ERBB4: variants seen among roughly 807,000 people sequenced by gnomAD.
The protein encoded by ERBB4 is erb-b2 receptor tyrosine kinase 4.
A neutral mutation model predicts 158.0 loss-of-function variants in ERBB4; 42 were observed. That is an observed-to-expected ratio of 0.27 (90% CI 0.21 to 0.34). ERBB4 has a LOEUF of 0.34. Among genes scored for constraint, ERBB4 ranks in the 10% least tolerant of loss-of-function variants. The pLI is 1.00. For missense variants in ERBB4, 1,333 were observed against 1,624.1 expected (o/e 0.82, Z 3.08); for synonymous variants, 583 against 558.7 (o/e 1.04, Z -0.61).
At chr2:212,425,181 G>A (rs1013325950) in intron 1 of ERBB4, among the ~76,000 whole-genome samples, 4 of 151,098 alleles carry the variant, frequency 2.6e-5, no homozygotes, top group Admixed American at 2.0e-4. Flanking sequence ...CTCTTTTGAA[G>A]TAAAAGTAAA....
chr2:211,750,799 T>C, intron 4 of ERBB4, 95 bp from the exon 5 acceptor site: 5 of 1,058,630 alleles, frequency 4.7e-6, no homozygotes, highest in Non-Finnish European at 4.4e-6. Flanking sequence ...CCTGCTCCTT[T>C]ATGAGGATTT....
At chr2:211,815,099 A>C (rs1575186195) in intron 3 of ERBB4, among the ~76,000 whole-genome samples, 1 of 152,310 alleles carries the variant, frequency 6.6e-6, no homozygotes, top group African/African-American at 2.4e-5. Flanking sequence ...GGACTTATAA[A>C]ATTTCTATAA....
At chr2:211,576,389 T>C (rs1350269792) in intron 19 of ERBB4, among the ~76,000 whole-genome samples, 1 of 152,154 alleles carries the variant, frequency 6.6e-6, no homozygotes, top group Non-Finnish European at 1.5e-5. Context: ...ACCAATACTT[T>C]AGAAATGGCA....
Position 211,947,443 on chromosome 2 carries a change from T to C in ERBB4, c.408A>G (p.Leu136=). The change falls in exon 3 of 28, where the codon TTA becomes TTG. Residue 136 remains leucine (L), a synonymous_variant. Transcript: ENST00000342788. ...TATATTCCTTACCTGTCAAGTTCTT[T>C]AATCCAAGTTCTTGAAGTCCAAAGT... The part of the protein sequence containing the change: ...DGNFGLQELG[L]KNLTEILNGG... 1 of 1,613,572 alleles carries C rather than the reference T, an allele frequency of 6.2e-7. No individual in the cohort carries two copies.
At chr2:212,445,257 G>A (rs942044613) in intron 1 of ERBB4, among the ~76,000 whole-genome samples, 1 of 152,038 alleles carries the variant, frequency 6.6e-6, no homozygotes, top group African/African-American at 2.4e-5. Flanking sequence ...CCAATATATG[G>A]TACTGTTTCT....
At chr2:212,498,548 C>T (rs1372432360) in intron 1 of ERBB4, among the ~76,000 whole-genome samples, 1 of 151,994 alleles carries the variant, frequency 6.6e-6, no homozygotes, top group Non-Finnish European at 1.5e-5. Flanking sequence ...TTATATATTC[C>T]ACCTAGGGAC....
chr2:211,836,039 A>G (rs982935266), intron 3 of ERBB4, among the ~76,000 whole-genome samples: 1 of 152,130 alleles, frequency 6.6e-6, no homozygotes, highest in Non-Finnish European at 1.5e-5. Flanking sequence ...AGAAATGCTA[A>G]GTATAAATAA....
At chr2:212,468,786 G>T (rs1347944330) in intron 1 of ERBB4, among the ~76,000 whole-genome samples, 32 of 152,142 alleles carry the variant, frequency 2.1e-4, no homozygotes. Flanking sequence ...AAAACTGTCA[G>T]TTCAAAGGAG....
intron 13 of ERBB4, among the ~76,000 whole-genome samples, chr2:211,674,682 A>G (rs2071983758): frequency 6.6e-6 from 1 of 152,204 alleles, no homozygotes; most frequent in Non-Finnish European, 1.5e-5. Flanking sequence ...GGAAACCTTC[A>G]GAATATAAAA....
intron 2 of ERBB4, among the ~76,000 whole-genome samples, chr2:211,997,269 T>C (rs1045508214): frequency 6.6e-6 from 1 of 152,168 alleles, no homozygotes; most frequent in African/African-American, 2.4e-5. Flanking sequence ...CGTGGATTCA[T>C]TCCATTTTAT....
intron 3 of ERBB4, among the ~76,000 whole-genome samples, chr2:211,818,994 T>A (rs918055726): frequency 6.6e-6 from 1 of 152,096 alleles, no homozygotes; most frequent in Non-Finnish European, 1.5e-5. Flanking sequence ...TTCTTGATTG[T>A]CTATCAAATT....
intron 3 of ERBB4, among the ~76,000 whole-genome samples, chr2:211,932,595 G>C (rs2080208025): frequency 6.6e-6 from 1 of 151,794 alleles, no homozygotes. Flanking sequence ...ATCATTCTAT[G>C]TTTATCTATA....
intron 19 of ERBB4, among the ~76,000 whole-genome samples, chr2:211,564,623 A>G (rs2067495843): frequency 6.6e-6 from 1 of 152,190 alleles, no homozygotes. Flanking sequence ...AGACATGCCA[A>G]ATCTTGATAC....
chr2:211,499,494 G>A (rs1001605744), intron 20 of ERBB4, among the ~76,000 whole-genome samples: 1 of 152,054 alleles, frequency 6.6e-6, no homozygotes, highest in Non-Finnish European at 1.5e-5. Flanking sequence ...CTGCACTCCA[G>A]CCTGGCAACA....
intron 3 of ERBB4, among the ~76,000 whole-genome samples, chr2:211,846,759 T>C (rs2077599001): frequency 6.6e-6 from 1 of 152,152 alleles, no homozygotes; most frequent in African/African-American, 2.4e-5. Flanking sequence ...TTTTCCCTAA[T>C]TCGGCATTTG....
intron 1 of ERBB4, among the ~76,000 whole-genome samples, chr2:212,147,859 A>G (rs2080734570): frequency 6.6e-6 from 1 of 152,058 alleles, no homozygotes; most frequent in South Asian, 2.1e-4. Context: ...CATATTTGCA[A>G]TTGTGGGGAG....
At chr2:211,399,373 G>A (rs2062986731) in intron 25 of ERBB4, among the ~76,000 whole-genome samples, 1 of 152,162 alleles carries the variant, frequency 6.6e-6, no homozygotes, top group Non-Finnish European at 1.5e-5. Flanking sequence ...ATTAAAAAAT[G>A]TCTTAAACCC....
In ERBB4 at chr2:211,380,912, T is replaced by C. The variant is rs2062563853; in HGVS notation, c.*2703A>G. The C allele has an allele frequency of 4.3e-6, 1 of 231,910 alleles. No individual in the cohort carries two copies. Among genetic ancestry groups the C allele is most frequent in the South Asian group, 1.8e-4 (1 of 5,512 alleles). The allele number at this position is 231,910 out of a possible 1,614,324, so 14.4% of individuals were successfully genotyped here. A position where few individuals can be genotyped will look rare whatever the true frequency, so the allele number is the denominator to read the frequency against. On this transcript the variant is annotated 3_prime_UTR_variant, in exon 28 of 28. Transcript: ENST00000342788. ...CCAAAATGAGTGATTCTGCTTTCTATAGCCCAGTAGAAACCATATGCATAT... is the reference window on the plus strand; with the variant it reads ...CCAAAATGAGTGATTCTGCTTTCTACAGCCCAGTAGAAACCATATGCATAT...
Position 211,617,482 on chromosome 2 carries a change from G to A in ERBB4, c.2301+1695C>T, listed in dbSNP as rs144118222. On this transcript the variant is annotated intron_variant, in intron 19 of 27. Coordinates refer to ENST00000342788, the MANE Select transcript of ERBB4 (RefSeq NM_005235.3). ...GTGTCAGAAACTTTAGAGAACTGGA[G>A]AAAGAAACAATATTTAGTTTTTGGC... is the stretch of plus-strand genomic sequence containing the variant. Among the ~76,000 whole-genome samples, 530 of 152,186 alleles carry A rather than the reference G, an allele frequency of 3.5e-3. 4 individuals are homozygous for A. Among genetic ancestry groups the A allele is most frequent in the South Asian group, 0.018 (89 of 4,824 alleles).
Sources: allele counts gnomAD v4.1 joint callset (sites outside exome capture counted in the v4.1 genomes callset), GRCh38; gene constraint gnomAD v4.1.1; transcripts MANE v1.5; gene names NCBI Gene and HGNC (gene_info 2026-07-23, HGNC 2026-07-21).